The following FMN1 variants were observed in gnomAD, a reference collection of about 807,000 sequenced individuals.
FMN1 encodes the protein formin 1, also known as formin-1.
Under a neutral mutation model 132.4 loss-of-function variants are expected in FMN1, and 110 were observed. The observed-to-expected ratio is 0.83, with a 90% confidence interval of 0.71 to 0.97. The LOEUF (loss-of-function observed/expected upper bound fraction) is 0.97, where lower values mean the gene tolerates loss of function less well. FMN1 is among the 50% of genes least tolerant of loss of function. The pLI, the probability that FMN1 is intolerant of heterozygous loss-of-function variation, is 0.00. For missense variants in FMN1, 1,792 were observed against 1,705.3 expected (o/e 1.05, Z -0.90); for synonymous variants, 722 against 651.7 (o/e 1.11, Z -1.64).
At chr15:32,925,795 T>C (rs1281304851) in intron 10 of FMN1, among the ~76,000 whole-genome samples, 3 of 152,182 alleles carry the variant, frequency 2.0e-5, no homozygotes, top group Non-Finnish European at 2.9e-5. Context: ...GCGCAGTGGC[T>C]CATGCCTGTA....
At chr15:32,888,611 G>A (rs2059950655) in intron 15 of FMN1, among the ~76,000 whole-genome samples, 2 of 152,170 alleles carry the variant, frequency 1.3e-5, no homozygotes, top group Non-Finnish European at 1.5e-5. Context: ...AATGGAAGAG[G>A]GGAACACATG....
intron 5 of FMN1, among the ~76,000 whole-genome samples, chr15:33,080,883 G>T (rs2038427369): frequency 6.9e-6 from 1 of 145,134 alleles, no homozygotes; most frequent in African/African-American, 2.7e-5. Context: ...GCAAAACTCC[G>T]TCTCAAAAAA....
At chr15:33,026,440 T>A (rs912566680) in intron 6 of FMN1, among the ~76,000 whole-genome samples, 11 of 53,634 alleles carry the variant, frequency 2.1e-4, no homozygotes, top group Non-Finnish European at 4.1e-4. Flanking sequence ...ACACACACAC[T>A]TCTGTTTATA....
chr15:32,928,532 G>C (rs946813143), intron 9 of FMN1, among the ~76,000 whole-genome samples: 2 of 152,144 alleles, frequency 1.3e-5, no homozygotes, highest in African/African-American at 2.4e-5. Flanking sequence ...CTGGGGATGC[G>C]GAGGTGACTG....
intron 4 of FMN1, among the ~76,000 whole-genome samples, chr15:33,128,145 T>C (rs528003409): frequency 5.0e-4 from 76 of 150,724 alleles, no homozygotes; most frequent in Non-Finnish European, 9.4e-4. Context: ...CAGTAGAGAG[T>C]GTAACAGAAG....
At chr15:32,883,918 GT>G (rs1255820291) in intron 16 of FMN1, among the ~76,000 whole-genome samples, 4 of 152,110 alleles carry the variant, frequency 2.6e-5, no homozygotes, top group Admixed American at 6.5e-5. Flanking sequence ...GCATGTCCAG[GT>G]TTATTTGATC....
intron 6 of FMN1, among the ~76,000 whole-genome samples, chr15:33,015,658 T>G (rs1317082462): frequency 6.6e-6 from 1 of 152,042 alleles, no homozygotes; most frequent in East Asian, 1.9e-4. Flanking sequence ...CTCACTGGCC[T>G]TTACCCACTA....
At chr15:32,962,496 T>C (rs1395290447) in intron 9 of FMN1, among the ~76,000 whole-genome samples, 3 of 151,430 alleles carry the variant, frequency 2.0e-5, no homozygotes, top group Non-Finnish European at 2.9e-5. Context: ...ACAAATGGGA[T>C]CTAATTAAAC....
At chr15:32,976,607 A>C (rs2032225172) in intron 7 of FMN1, among the ~76,000 whole-genome samples, 1 of 152,226 alleles carries the variant, frequency 6.6e-6, no homozygotes, top group Non-Finnish European at 1.5e-5. Flanking sequence ...AAATGTAAGC[A>C]CATCAAGTTA....
chr15:32,930,931 C>G (rs1427011170), intron 9 of FMN1, among the ~76,000 whole-genome samples: 1 of 152,170 alleles, frequency 6.6e-6, no homozygotes, highest in African/African-American at 2.4e-5. Flanking sequence ...TCTCCTAGCA[C>G]TATCTGTTGG....
chr15:33,137,545 T>C (rs1963824727), intron 4 of FMN1, among the ~76,000 whole-genome samples: 1 of 152,214 alleles, frequency 6.6e-6, no homozygotes, highest in Non-Finnish European at 1.5e-5. Flanking sequence ...TAATGTTTAA[T>C]GATATCACCA....
At chr15:32,798,298 C>G (rs2057362868) in intron 19 of FMN1, among the ~76,000 whole-genome samples, 1 of 152,116 alleles carries the variant, frequency 6.6e-6, no homozygotes, top group Admixed American at 6.5e-5. Flanking sequence ...GAGCGGCACG[C>G]AGTTTGATGT....
chr15:33,127,129 C>T (rs909682132), intron 4 of FMN1, among the ~76,000 whole-genome samples: 59 of 152,064 alleles, frequency 3.9e-4, no homozygotes, highest in African/African-American at 1.4e-3. Flanking sequence ...ATCCTGTTAA[C>T]AAGCAGTAGC....
At chr15:32,879,054 T>C (rs923703264) in intron 16 of FMN1, among the ~76,000 whole-genome samples, 1 of 152,154 alleles carries the variant, frequency 6.6e-6, no homozygotes, top group Non-Finnish European at 1.5e-5. Flanking sequence ...CAACTTGTCT[T>C]TGAAGGCATT....
chr15:33,045,226 G>A (rs913283865), intron 6 of FMN1, among the ~76,000 whole-genome samples: 12 of 152,192 alleles, frequency 7.9e-5, no homozygotes, highest in African/African-American at 1.9e-4. Context: ...TGCCCATCCC[G>A]CTGCAGCCAG....
intron 8 of FMN1, among the ~76,000 whole-genome samples, chr15:32,968,104 T>C (rs1472866596): frequency 2.6e-5 from 4 of 152,226 alleles, no homozygotes; most frequent in Admixed American, 6.5e-5. Context: ...ATACTGACAC[T>C]TTCTCTGAAG....
intron 12 of FMN1, chr15:32,908,283 G>C (rs368826582): frequency 1.4e-4 from 68 of 486,682 alleles, no homozygotes; most frequent in South Asian, 1.2e-3. Context: ...GGAGGGGGGT[G>C]AGACACACTG....
intron 6 of FMN1, among the ~76,000 whole-genome samples, chr15:33,029,379 G>A (rs1185755944): frequency 6.6e-6 from 1 of 152,150 alleles, no homozygotes; most frequent in Non-Finnish European, 1.5e-5. Flanking sequence ...AATGCTCAGG[G>A]TAAAGGGAGA....
intron 6 of FMN1, among the ~76,000 whole-genome samples, chr15:33,032,812 C>T (rs1454524626): frequency 1.3e-5 from 2 of 152,186 alleles, no homozygotes; most frequent in Non-Finnish European, 1.5e-5. Context: ...GGTTCAAATC[C>T]TAGCTACCAT....
Sources: gnomAD v4.1 joint callset for allele counts (sites outside exome capture counted in the v4.1 genomes callset) on GRCh38, gnomAD v4.1.1 for gene constraint, MANE v1.5 for transcripts, NCBI Gene and HGNC (gene_info 2026-07-23, HGNC 2026-07-21) for gene names.